The following PCDH15 variants were observed in gnomAD, a reference collection of about 807,000 sequenced individuals.
The protein encoded by PCDH15 is protocadherin related 15.
In PCDH15, 129 loss-of-function variants were observed where a neutral mutation model predicts 178.5. The ratio of observed to expected loss-of-function variants is 0.72; its 90% CI spans 0.63 to 0.84. The LOEUF is 0.84. Among genes scored for constraint, PCDH15 ranks in the 40% least tolerant of loss-of-function variants. PCDH15 has a pLI of 0.00. For synonymous variants in PCDH15, 800 were observed against 732.0 expected (o/e 1.09, Z -1.50); for missense variants, 2,230 against 2,099.9 (o/e 1.06, Z -1.21).
At chr10:53,904,773 A>C (rs896401472) in intron 25 of PCDH15, among the ~76,000 whole-genome samples, 1 of 152,198 alleles carries the variant, frequency 6.6e-6, no homozygotes, top group Non-Finnish European at 1.5e-5. Flanking sequence ...GTAGCAGACC[A>C]CTTTTATCTC....
upstream of PCDH15, among the ~76,000 whole-genome samples, chr10:55,321,662 TG>T (rs1214910068): frequency 6.6e-6 from 1 of 152,182 alleles, no homozygotes; most frequent in Non-Finnish European, 1.5e-5. Flanking sequence ...GACCTTTCAG[TG>T]GAAACCCTAT....
At chr10:54,132,102 A>C (rs138243780) in intron 15 of PCDH15, among the ~76,000 whole-genome samples, 1 of 152,264 alleles carries the variant, frequency 6.6e-6, no homozygotes, top group East Asian at 1.9e-4. Context: ...CCAGAAGATA[A>C]ACTCTGTTCT....
chr10:54,042,859 T>C (rs752049438), intron 18 of PCDH15, among the ~76,000 whole-genome samples: 6 of 152,094 alleles, frequency 3.9e-5, no homozygotes, highest in Non-Finnish European at 8.8e-5. Context: ...TAAGATACTA[T>C]TTACATAATC....
At chr10:54,664,340 T>C (rs1463671709) in intron 1 of PCDH15, 50 bp from the exon 2 acceptor site, 1 of 1,161,676 alleles carries the variant, frequency 8.6e-7, no homozygotes, top group Admixed American at 1.9e-5. Flanking sequence ...CATTAATCTG[T>C]TATAGGTAAA....
At position 55,455,224 on chromosome 10, in the gene PCDH15, G is replaced by A. The variant is rs1839524246; in HGVS notation, c.-156+172401C>T. On this transcript the variant is annotated intron_variant, in intron 2 of 5. Transcript: ENST00000613346. ...AAATGAGGATAGTAACTCCAACCCA[G>A]CAAATAGACTACACCCAAATATAAC... 3.3e-5 allele frequency among the ~76,000 whole-genome samples: 5 copies of A among 152,138 alleles called. No individual in the cohort carries two copies. In the South Asian group the frequency reaches 1.0e-3, roughly 32 times the overall value.
intron 3 of PCDH15, among the ~76,000 whole-genome samples, chr10:54,857,860 A>G (rs942674217): frequency 6.6e-6 from 1 of 152,194 alleles, no homozygotes; most frequent in African/African-American, 2.4e-5. Flanking sequence ...AATTATATAA[A>G]TGTATGGGTT....
At chr10:53,848,519 G>A (rs2078127978) in intron 28 of PCDH15, among the ~76,000 whole-genome samples, 1 of 151,884 alleles carries the variant, frequency 6.6e-6, no homozygotes, top group African/African-American at 2.4e-5. Context: ...ATCTTTCTTT[G>A]CTTTTCTTCC....
chr10:55,247,045 A>G (rs1402668885), intron 1 of PCDH15, among the ~76,000 whole-genome samples: 1 of 152,148 alleles, frequency 6.6e-6, no homozygotes. Flanking sequence ...ATAGATTCAT[A>G]CCTACCCCAC....
At chr10:55,247,827 G>C (rs777765405) in intron 1 of PCDH15, 1 of 150,468 alleles carries the variant, frequency 6.6e-6, no homozygotes, top group African/African-American at 2.4e-5. Flanking sequence ...CTTGAGCCAC[G>C]GATATCGTAC....
At chr10:54,897,958 T>C (rs1051106825) in intron 2 of PCDH15, among the ~76,000 whole-genome samples, 1 of 152,164 alleles carries the variant, frequency 6.6e-6, no homozygotes, top group Admixed American at 6.6e-5. Flanking sequence ...TTCTGTATAA[T>C]ATAGTTTGGA....
chr10:55,321,282 CACAG>C (rs1843893748), upstream of PCDH15, among the ~76,000 whole-genome samples: 3 of 152,068 alleles, frequency 2.0e-5, no homozygotes, highest in Middle Eastern at 0.01. Context: ...ACTTAAATGA[CACAG>C]ACAAACATTT....
intron 2 of PCDH15, among the ~76,000 whole-genome samples, chr10:55,020,425 C>A (rs1221951031): frequency 1.3e-5 from 2 of 149,884 alleles, no homozygotes; most frequent in African/African-American, 4.9e-5. Flanking sequence ...AAGATGGATG[C>A]AAATTTTTTA....
chr10:55,020,395 G>A (rs1267560257), intron 2 of PCDH15, among the ~76,000 whole-genome samples: 2 of 148,952 alleles, frequency 1.3e-5, no homozygotes, highest in African/African-American at 2.5e-5. Flanking sequence ...AAAAAAAAAA[G>A]AAGACTTGAT....
At chr10:55,253,901 G>A (rs1017288753) in intron 1 of PCDH15, among the ~76,000 whole-genome samples, 8 of 152,132 alleles carry the variant, frequency 5.3e-5, no homozygotes, top group Non-Finnish European at 8.8e-5. Flanking sequence ...TCAATGATTA[G>A]GTAAGAATAT....
At chr10:53,921,687 T>C (rs2084009962) in intron 25 of PCDH15, among the ~76,000 whole-genome samples, 1 of 152,186 alleles carries the variant, frequency 6.6e-6, no homozygotes, top group Non-Finnish European at 1.5e-5. Context: ...GTTTCTAAGA[T>C]TGCTGAAGCC....
At chr10:54,213,744 C>T (rs570238822) in intron 10 of PCDH15, among the ~76,000 whole-genome samples, 192 bp downstream of exon 10, 37 of 152,102 alleles carry the variant, frequency 2.4e-4, no homozygotes, top group Non-Finnish European at 4.9e-4. Flanking sequence ...TACTATAAAA[C>T]GTTATTTTAG....
intron 2 of PCDH15, among the ~76,000 whole-genome samples, chr10:55,608,601 G>A (rs1387833336): frequency 6.6e-6 from 1 of 151,726 alleles, no homozygotes. Context: ...AGATCCTGCC[G>A]CTCACCACAC....
At chr10:55,023,847 C>CTA (rs143032236) in intron 2 of PCDH15, among the ~76,000 whole-genome samples, 27 of 144,932 alleles carry the variant, frequency 1.9e-4, no homozygotes, top group East Asian at 6.3e-4. Flanking sequence ...ATATATATGC[C>CTA]TATATATATA....
intron 18 of PCDH15, among the ~76,000 whole-genome samples, chr10:54,056,689 T>G (rs2093896188): frequency 6.6e-6 from 1 of 152,052 alleles, no homozygotes; most frequent in African/African-American, 2.4e-5. Context: ...CCAAATCCCA[T>G]GTCCTCACAT....
Sources: gnomAD v4.1 joint callset for allele counts (sites outside exome capture counted in the v4.1 genomes callset) on GRCh38, gnomAD v4.1.1 for gene constraint, MANE v1.5 for transcripts, NCBI Gene and HGNC (gene_info 2026-07-23, HGNC 2026-07-21) for gene names.